Variants in TNK2 observed in about 807,000 individuals in gnomAD.
TNK2 encodes the protein activated CDC42 kinase 1.
TNK2 carries 83 observed loss-of-function variants against 101.8 expected under a neutral mutation model. The ratio of observed to expected loss-of-function variants is 0.82; its 90% CI spans 0.68 to 0.98. The LOEUF (loss-of-function observed/expected upper bound fraction) is 0.98, where lower values mean the gene tolerates loss of function less well. Among genes scored for constraint, TNK2 ranks in the 50% least tolerant of loss-of-function variants. The pLI, the probability that TNK2 is intolerant of heterozygous loss-of-function variation, is 0.00. For missense variants in TNK2, 1,665 were observed against 1,483.2 expected, an observed-to-expected ratio of 1.12 and a Z score of -2.01; for synonymous variants, 804 against 633.0, an observed-to-expected ratio of 1.27 and a Z score of -4.06.
chr3:195,872,733 G>A (rs2149340378), intron 9 of TNK2: 2 of 474,764 alleles, frequency 4.2e-6, no homozygotes, highest in East Asian at 3.8e-5. Context: ...GAGGCACGCT[G>A]GAAGCTGCTG....
In TNK2 at chr3:195,886,944, C is replaced by T. The variant is rs756148689; in HGVS notation, c.234+33G>A. On this transcript the variant is annotated intron_variant, in intron 3 of 15. Coordinates refer to ENST00000672887, the MANE Select transcript of TNK2 (RefSeq NM_001382273.1). This position sits in a 1 kb window ranked among gnomAD's most constrained non-coding sequence, Gnocchi z 4.2. ...CGGAGGGGGGCGTTCGAGGCTGCCCCCCTCCCACCTCCTCACCCACCTCCT... is the reference window on the plus strand; with the variant it reads ...CGGAGGGGGGCGTTCGAGGCTGCCCTCCTCCCACCTCCTCACCCACCTCCT... The T allele has an allele frequency of 1.2e-5, 20 of 1,607,948 alleles. No individual in the cohort carries two copies. The highest frequency in any genetic ancestry group is 1.4e-5 in the Non-Finnish European group (17 of 1,174,558).
intron 1 of TNK2, among the ~76,000 whole-genome samples, chr3:195,898,190 C>A (rs1760840901): frequency 1.3e-5 from 2 of 152,124 alleles, no homozygotes; most frequent in South Asian, 2.1e-4. Flanking sequence ...AACCAAGACT[C>A]CTCCTCCGTC....
chr3:195,878,149 T>A lies in TNK2; in HGVS notation c.1256+104A>T. ...GTTCAGGCCCAACCGCCAGCCTGTATGTGGCCAAGGGAATCTTGGAGGCCA... is the reference window on the plus strand; with the variant it reads ...GTTCAGGCCCAACCGCCAGCCTGTAAGTGGCCAAGGGAATCTTGGAGGCCA... On this transcript the variant is annotated intron_variant, in intron 9 of 15. Transcript: ENST00000672887. The surrounding 1 kb of genome is among the most constrained non-coding windows in gnomAD (Gnocchi z 4.7). The A allele has an allele frequency of 8.0e-7, 1 of 1,250,798 alleles. No homozygotes were observed. Among genetic ancestry groups the A allele is most frequent in the East Asian group, 2.3e-5 (1 of 43,060 alleles). 77.5% of individuals were successfully genotyped at this position (1,250,798 alleles called of 1,614,324 possible).
chr3:195,895,292 T>C, intron 1 of TNK2: 1 of 1,570,442 alleles, frequency 6.4e-7, no homozygotes, highest in South Asian at 1.2e-5. Flanking sequence ...AGCAGATCTC[T>C]CCCCCATGGA....
chr3:195,873,879 A>G (rs1367103557), intron 9 of TNK2, among the ~76,000 whole-genome samples: 1 of 152,114 alleles, frequency 6.6e-6, no homozygotes, highest in Non-Finnish European at 1.5e-5. Context: ...CAGCCTCCTC[A>G]TACACAGGGC....
At chr3:195,889,756 C>T (rs1218304097) in intron 1 of TNK2, among the ~76,000 whole-genome samples, 2 of 152,230 alleles carry the variant, frequency 1.3e-5, no homozygotes, top group Non-Finnish European at 2.9e-5. Flanking sequence ...CAAAGCTAAG[C>T]AAGCGGACCC....
intron 15 of TNK2, among the ~76,000 whole-genome samples, chr3:195,864,681 C>G (rs1453004637): frequency 3.5e-5 from 4 of 113,344 alleles, no homozygotes; most frequent in Admixed American, 2.7e-4. Flanking sequence ...CAGGTGACAG[C>G]GAGTGCCTGC....
intron 14 of TNK2, 28 bp from the exon 15 acceptor site, chr3:195,867,044 C>A (rs369461273): frequency 3.1e-6 from 5 of 1,612,036 alleles, no homozygotes; most frequent in Non-Finnish European, 4.2e-6. Flanking sequence ...GCCATGGACA[C>A]GCGGGCCCAG....
At chr3:195,875,691 C>G (rs71321859) in intron 9 of TNK2, among the ~76,000 whole-genome samples, 1 of 152,166 alleles carries the variant, frequency 6.6e-6, no homozygotes, top group Non-Finnish European at 1.5e-5. Flanking sequence ...CCGGAGTCCC[C>G]GTGGCCATGG....
At chr3:195,906,344 G>C (rs902325458) in intron 1 of TNK2, among the ~76,000 whole-genome samples, 2 of 152,160 alleles carry the variant, frequency 1.3e-5, no homozygotes, top group Admixed American at 1.3e-4. Context: ...ATAAATAAAA[G>C]TGTACATCCA....
At chr3:195,869,798 G>T (rs930744525) in intron 11 of TNK2, 9 of 594,214 alleles carry the variant, frequency 1.5e-5, no homozygotes, top group Non-Finnish European at 2.7e-5. Flanking sequence ...GGTGGTTTTG[G>T]CTTGGGACAG....
chr3:195,873,887 G>C (rs1376541210), intron 9 of TNK2, among the ~76,000 whole-genome samples: 1 of 152,132 alleles, frequency 6.6e-6, no homozygotes, highest in African/African-American at 2.4e-5. Context: ...TCATACACAG[G>C]GCCACTGGCC....
chr3:195,869,656 T>G (rs1423616253), intron 11 of TNK2, 115 bp from the exon 12 acceptor site: 13 of 1,032,936 alleles, frequency 1.3e-5, no homozygotes, highest in African/African-American at 3.2e-5. Context: ...GAGAAGTGAA[T>G]GGGGGCGAGT....
At position 195,892,511 on chromosome 3, in the gene TNK2, G is replaced by A. The variant is rs78304653; in HGVS notation, c.-18-3905C>T. On this transcript the variant is annotated intron_variant, in intron 1 of 15. Transcript: ENST00000672887. ...CATCTCCACGCAGCGGGACCCCCCCGAGCAGTCACTGGGGATCCAGTGGCC... is the reference window on the plus strand; with the variant it reads ...CATCTCCACGCAGCGGGACCCCCCCAAGCAGTCACTGGGGATCCAGTGGCC... 3,997 of 1,534,242 alleles carry A rather than the reference G, an allele frequency of 2.6e-3. 108 individuals carry two copies. In the African/African-American group the frequency reaches 0.049, roughly 19 times the overall value.
rs545874058 is a variant in TNK2 at position 195,884,824 on chromosome 3, G to C, written c.444C>G (p.Pro148=). 1.9e-6 allele frequency: 3 copies of C among 1,611,126 alleles called. No individual in the cohort carries two copies. In the South Asian group the frequency reaches 3.3e-5, roughly 18 times the overall value. The part of the protein sequence containing the change: ...GVVRRGEWDA[P]SGKTVSVAVK... ...ACAGAGAGCTCACCGTCTTCCCTGA[G>C]GGCGCGTCCCACTCGCCCCTGCGCA... Residue 148 remains proline (P), a synonymous_variant, in exon 4 of 16, where the codon CCC becomes CCG. Transcript: ENST00000672887.
At position 195,878,428 on chromosome 3, in the gene TNK2, G is replaced by A. The variant is rs769753421; in HGVS notation, c.1161+18C>T. ...CAGCTTGAACACCCCAGCTCTCCTG[G>A]GCTGACCTGTCCCTCACCTCCAGCA... On this transcript the variant is annotated intron_variant, in intron 8 of 15. Coordinates refer to ENST00000672887, the MANE Select transcript of TNK2 (RefSeq NM_001382273.1). The surrounding 1 kb of genome is among the most constrained non-coding windows in gnomAD (Gnocchi z 4.7). 3.1e-6 allele frequency: 5 copies of A among 1,613,776 alleles called. No homozygotes were observed. In the African/African-American group the frequency reaches 6.7e-5, roughly 22 times the overall value.
chr3:195,890,988 AAAT>A (rs997586421), intron 1 of TNK2, among the ~76,000 whole-genome samples: 3 of 152,196 alleles, frequency 2.0e-5, no homozygotes, highest in African/African-American at 7.2e-5. Flanking sequence ...AGGATACATA[AAAT>A]ATTATTACCT....
At chr3:195,892,894 G>T in intron 1 of TNK2, 1 of 329,412 alleles carries the variant, frequency 3.0e-6, no homozygotes, top group Non-Finnish European at 4.4e-6. Context: ...CTGAATCACT[G>T]CCAAGAGGGC....
Position 195,878,646 on chromosome 3 carries a change from C to T in TNK2, c.1015-54G>A, listed in dbSNP as rs1303818739. On this transcript the variant is annotated intron_variant, in intron 7 of 15. Transcript: ENST00000672887. The surrounding 1 kb of genome is among the most constrained non-coding windows in gnomAD (Gnocchi z 4.7). ...GACAAACAGAGCGCCCAGCCCTTCACTTCCCGCCTTCCCTCCAGCCCATCC... is the reference window on the plus strand; with the variant it reads ...GACAAACAGAGCGCCCAGCCCTTCATTTCCCGCCTTCCCTCCAGCCCATCC... The T allele has an allele frequency of 6.3e-7, 1 of 1,579,170 alleles. No individual in the cohort carries two copies. The highest frequency in any genetic ancestry group is 8.6e-7 in the Non-Finnish European group (1 of 1,161,270).
Sources: allele counts gnomAD v4.1 joint callset (sites outside exome capture counted in the v4.1 genomes callset), GRCh38; gene constraint gnomAD v4.1.1; non-coding constraint Gnocchi (gnomAD v3.1); transcripts MANE v1.5; gene names NCBI Gene and HGNC (gene_info 2026-07-23, HGNC 2026-07-21).